Variants in KYAT3 observed in about 807,000 individuals in gnomAD.
KYAT3 encodes kynurenine aminotransferase 3.
In KYAT3, 50 loss-of-function variants were observed where a neutral mutation model predicts 59.0. That is an observed-to-expected ratio of 0.85 (90% CI 0.68 to 1.07). The LOEUF is 1.07. KYAT3 is among the 50% of genes least tolerant of loss of function. The probability of loss-of-function intolerance (pLI) is 0.00; values close to 1 mark genes in which losing one functional copy is unlikely to be tolerated. For synonymous variants in KYAT3, 148 were observed against 177.0 expected, an observed-to-expected ratio of 0.84 and a Z score of 1.30; for missense variants, 497 against 533.3, an observed-to-expected ratio of 0.93 and a Z score of 0.67.
chr1:88,928,178 T>C, the KYAT3 span, among the ~76,000 whole-genome samples: 4 of 152,024 alleles, frequency 2.6e-5, no homozygotes, highest in South Asian at 2.1e-4. Context: ...AAGGGAGACA[T>C]TGAGGAAGCA....
intron 11 of KYAT3, among the ~76,000 whole-genome samples, chr1:88,944,703 A>T (rs1230361368): frequency 6.6e-6 from 1 of 152,250 alleles, no homozygotes; most frequent in Non-Finnish European, 1.5e-5. Context: ...TGACAGGTAT[A>T]CAACAGCAGT....
At chr1:88,946,519 G>A (rs1211578492) in intron 11 of KYAT3, among the ~76,000 whole-genome samples, 3 of 152,034 alleles carry the variant, frequency 2.0e-5, no homozygotes. Flanking sequence ...TTACTGCATA[G>A]AAAACTTTTA....
rs537516053 is a variant in KYAT3, at chr1:88,938,844, G to A, written c.1303-2599C>T. On this transcript the variant is annotated intron_variant, in intron 13 of 13. Coordinates refer to ENST00000260508, the MANE Select transcript of KYAT3 (RefSeq NM_001008661.3). ...ATCATTTATTCAAGCAGCCCCCACTGGTGAATAATTTTGTTGTTTACAATA... is the reference window on the plus strand; with the variant it reads ...ATCATTTATTCAAGCAGCCCCCACTAGTGAATAATTTTGTTGTTTACAATA... 7.9e-5 allele frequency among the ~76,000 whole-genome samples: 12 copies of A among 152,250 alleles called. 2 individuals are homozygous for A. The highest frequency in any genetic ancestry group is 2.9e-4 in the African/African-American group (12 of 41,538).
In KYAT3 at chr1:88,955,241, A is replaced by T. The variant is rs1163756817; in HGVS notation, c.788-16T>A. On this transcript the variant is annotated splice_polypyrimidine_tract_variant and intron_variant, in intron 8 of 13. Coordinates refer to ENST00000260508, the MANE Select transcript of KYAT3 (RefSeq NM_001008661.3). Reference sequence around the variant, plus strand: ...GGAAAAGTAGCTAAACAGAGGAGGAAAAAAGGGTAAATATTGTTTTCCAAT... The same window carrying T: ...GGAAAAGTAGCTAAACAGAGGAGGATAAAAGGGTAAATATTGTTTTCCAAT... The T allele has an allele frequency of 2.7e-6, 4 of 1,476,954 alleles. No homozygotes were observed. Among genetic ancestry groups the T allele is most frequent in the Non-Finnish European group, 3.8e-6 (4 of 1,057,542 alleles). 91.5% of individuals were successfully genotyped at this position (1,476,954 alleles called of 1,614,324 possible).
rs115758515 is a variant in KYAT3 at position 88,969,364 on chromosome 1, T to A, written c.158+45A>T. ...ACTCCCATCTAAAGATACGAAAATA[T>A]GTAGGAAACCCTCACTAAATTATTA... is the stretch of plus-strand genomic sequence containing the variant. On this transcript the variant is annotated intron_variant, in intron 3 of 13. Transcript: ENST00000260508. 1,394 of 1,176,052 alleles carry A rather than the reference T, an allele frequency of 1.2e-3. 11 individuals are homozygous for A. In the African/African-American group the frequency reaches 0.018, roughly 15 times the overall value. 72.9% of individuals were successfully genotyped at this position (1,176,052 alleles called of 1,614,324 possible). A position where few individuals can be genotyped will look rare whatever the true frequency, so the allele number is the denominator to read the frequency against.
chr1:88,982,252 T>C, intron 2 of KYAT3: 1 of 653,932 alleles, frequency 1.5e-6, no homozygotes, highest in Non-Finnish European at 1.9e-6. Flanking sequence ...CTCTAATAGC[T>C]AGCTTGTTTG....
chr1:88,990,352 C>G (rs1345253281), intron 1 of KYAT3, among the ~76,000 whole-genome samples: 2 of 152,172 alleles, frequency 1.3e-5, no homozygotes, highest in Non-Finnish European at 2.9e-5. Flanking sequence ...TACTAGCTCT[C>G]TCCTTTTCCT....
At chr1:88,927,708 A>G in the KYAT3 span, among the ~76,000 whole-genome samples, 1 of 152,198 alleles carries the variant, frequency 6.6e-6, no homozygotes, top group Non-Finnish European at 1.5e-5. Flanking sequence ...GCCAGAGTGC[A>G]TGTACCTTTA....
intron 3 of KYAT3, 115 bp from the exon 4 acceptor site, chr1:88,968,929 G>T: frequency 1.3e-6 from 1 of 750,808 alleles, no homozygotes; most frequent in Non-Finnish European, 2.0e-6. Flanking sequence ...TAGTCCTATA[G>T]GTTTTAAAAA....
At chr1:88,965,723 CTGT>C (rs1676322688) in intron 4 of KYAT3, among the ~76,000 whole-genome samples, 1 of 151,660 alleles carries the variant, frequency 6.6e-6, no homozygotes, top group Admixed American at 6.6e-5. Context: ...TCAATATTTC[CTGT>C]TGTTTTCTGT....
At chr1:88,969,707 T>C (rs1226830596) in intron 2 of KYAT3, among the ~76,000 whole-genome samples, 1 of 152,022 alleles carries the variant, frequency 6.6e-6, no homozygotes, top group Non-Finnish European at 1.5e-5. Context: ...AGTGGTGTGA[T>C]CATGGCTCAC....
At chr1:88,984,141 T>A in intron 2 of KYAT3, 2 of 288,552 alleles carry the variant, frequency 6.9e-6, no homozygotes, top group Non-Finnish European at 6.8e-6. Context: ...TAAAGATACA[T>A]AAAAAATGCA....
At chr1:88,955,334 T>A in intron 8 of KYAT3, 109 bp from the exon 9 acceptor site, 1 of 681,294 alleles carries the variant, frequency 1.5e-6, no homozygotes, top group East Asian at 2.9e-5. Context: ...AAGTGTGTTA[T>A]AATTTAGCCA....
At chr1:88,953,586 T>C (rs1282101242) in intron 9 of KYAT3, among the ~76,000 whole-genome samples, 1 of 150,372 alleles carries the variant, frequency 6.7e-6, no homozygotes, top group African/African-American at 2.4e-5. Context: ...ATGAAAGTAG[T>C]ACAGTATTAG....
In KYAT3 at chr1:88,946,281, A is replaced by T. The variant is rs548642099; in HGVS notation, c.1141+2810T>A. On this transcript the variant is annotated intron_variant, in intron 11 of 13. Coordinates refer to ENST00000260508, the MANE Select transcript of KYAT3 (RefSeq NM_001008661.3). ...GCTAATTACAATACTATGTGAACCT[A>T]GGTGACTGAAATATTTGCTTTCTTT... Among the ~76,000 whole-genome samples, 27 of 151,810 alleles carry T rather than the reference A, an allele frequency of 1.8e-4. No homozygotes were observed. The East Asian group carries it at 5.0e-3, about 28-fold the overall frequency.
intron 4 of KYAT3, among the ~76,000 whole-genome samples, chr1:88,965,888 A>G (rs958481337): frequency 1.9e-4 from 29 of 152,232 alleles, no homozygotes; most frequent in Non-Finnish European, 2.4e-4. Context: ...TTACTTTAAT[A>G]GCAGGTCTAA....
At position 88,936,234 on chromosome 1, in the gene KYAT3, T is replaced by C. The variant is rs1018274294; in HGVS notation, c.1314A>G (p.Thr438=). The C allele has an allele frequency of 6.2e-7, 1 of 1,607,746 alleles. No homozygotes were observed. The highest frequency in any genetic ancestry group is 8.5e-7 in the Non-Finnish European group (1 of 1,175,012). ...VRFCFIKKDS[T]LDAAEEIIKA... Reference sequence around the variant, plus strand: ...TGATGATTTCTTCAGCAGCATCCAGTGTGCTGTCTTTCTGTAAATTAATGA... The same window carrying C: ...TGATGATTTCTTCAGCAGCATCCAGCGTGCTGTCTTTCTGTAAATTAATGA... The change falls in exon 14 of 14, where the codon ACA becomes ACG. Residue 438 remains threonine (T), a synonymous_variant. Coordinates refer to ENST00000260508, the MANE Select transcript of KYAT3 (RefSeq NM_001008661.3).
intron 11 of KYAT3, among the ~76,000 whole-genome samples, chr1:88,947,447 C>T (rs1441082765): frequency 2.0e-5 from 3 of 152,234 alleles, no homozygotes; most frequent in Non-Finnish European, 2.9e-5. Context: ...CCTAACTCTC[C>T]TCCTCCTAGA....
At chr1:88,966,140 G>C (rs1676342658) in intron 4 of KYAT3, among the ~76,000 whole-genome samples, 2 of 152,108 alleles carry the variant, frequency 1.3e-5, no homozygotes, top group Admixed American at 1.3e-4. Context: ...ACCACTCTCA[G>C]TGCTTATACC....
Sources: allele counts gnomAD v4.1 joint callset (sites outside exome capture counted in the v4.1 genomes callset), GRCh38; gene constraint gnomAD v4.1.1; transcripts MANE v1.5; gene names NCBI Gene and HGNC (gene_info 2026-07-23, HGNC 2026-07-21).